DEFB134: variants seen among roughly 807,000 people sequenced by gnomAD.
DEFB134 encodes the protein beta-defensin 134.
Under a neutral mutation model 7.4 loss-of-function variants are expected in DEFB134, and 7 were observed. That is an observed-to-expected ratio of 0.95 (90% CI 0.54 to 1.79). The LOEUF (loss-of-function observed/expected upper bound fraction) is 1.79, where lower values mean the gene tolerates loss of function less well. Ranked by LOEUF, DEFB134 falls within the 40% of genes most tolerant of loss-of-function variation. The pLI, the probability that DEFB134 is intolerant of heterozygous loss-of-function variation, is 0.00. For synonymous variants in DEFB134, 33 were observed against 25.0 expected (o/e 1.32, Z -0.96); for missense variants, 105 against 74.8 (o/e 1.40, Z -1.49).
chr8:11,993,225 G>C (rs958111795), exon 2 of DEFB134: 3 of 152,216 alleles, frequency 2.0e-5, no homozygotes, highest in Admixed American at 6.5e-5. Flanking sequence ...GATCAGCATG[G>C]TGTTAGCTCT....
At chr8:11,996,257 G>T in exon 1 of DEFB134, 1 of 1,613,582 alleles carries the variant, frequency 6.2e-7, no homozygotes, top group Non-Finnish European at 8.5e-7. Context: ...TTCATGGCTG[G>T]GAACTTCTGT....
At chr8:11,996,398 C>A (rs1467466362), upstream of DEFB134, 1 of 687,476 alleles carries the variant, frequency 1.5e-6, no homozygotes, top group East Asian at 3.0e-5. Flanking sequence ...ACACTGAACA[C>A]CCCTGAGGCA....
intron 1 of DEFB134, among the ~76,000 whole-genome samples, chr8:11,995,304 C>T (rs530293751): frequency 2.0e-4 from 30 of 152,234 alleles, no homozygotes; most frequent in African/African-American, 7.2e-4. Flanking sequence ...CTTTAAGAGG[C>T]CTTGATCCCA....
chr8:11,993,711 A>C (rs1260819882), exon 2 of DEFB134: 1 of 333,646 alleles, frequency 3.0e-6, no homozygotes, highest in Non-Finnish European at 5.4e-6. Flanking sequence ...TAGAGGGAGA[A>C]ACAGGTGCTG....
upstream of DEFB134, among the ~76,000 whole-genome samples, chr8:11,997,980 T>A (rs1398919961): frequency 6.6e-6 from 1 of 152,178 alleles, no homozygotes; most frequent in East Asian, 1.9e-4. Context: ...CATAAAGCAA[T>A]CCTTAACAAA....
intron 1 of DEFB134, among the ~76,000 whole-genome samples, chr8:11,995,532 T>G (rs1057108294): frequency 2.0e-5 from 3 of 152,178 alleles, no homozygotes; most frequent in Non-Finnish European, 4.4e-5. Flanking sequence ...ACACTCTCTG[T>G]CATGTCTCCC....
intron 1 of DEFB134, among the ~76,000 whole-genome samples, chr8:11,994,856 T>C (rs1211014015): frequency 2.6e-5 from 4 of 152,150 alleles, no homozygotes; most frequent in Non-Finnish European, 5.9e-5. Context: ...AAATACAAAA[T>C]ATCTCTGAGA....
At chr8:12,000,042 C>G (rs2150562013), upstream of DEFB134, among the ~76,000 whole-genome samples, 1 of 152,330 alleles carries the variant, frequency 6.6e-6, no homozygotes, top group Middle Eastern at 3.4e-3. Flanking sequence ...CTGCCATACT[C>G]TCAGCTGCAA....
intron 1 of DEFB134, among the ~76,000 whole-genome samples, chr8:11,995,353 A>C (rs1447321844): frequency 6.6e-6 from 1 of 152,192 alleles, no homozygotes; most frequent in African/African-American, 2.4e-5. Flanking sequence ...ACATAATCTG[A>C]AGATGTGATT....
At chr8:11,999,972 T>C (rs1039373938), upstream of DEFB134, among the ~76,000 whole-genome samples, 1 of 152,198 alleles carries the variant, frequency 6.6e-6, no homozygotes, top group Non-Finnish European at 1.5e-5. Context: ...CTGGGTTTGG[T>C]ATTTCTTTAG....
chr8:11,999,349 G>T, upstream of DEFB134: 1 of 219,708 alleles, frequency 4.6e-6, no homozygotes, highest in Non-Finnish European at 9.9e-6. Context: ...CATGCTCAGT[G>T]GGATACTGGC....
upstream of DEFB134, among the ~76,000 whole-genome samples, chr8:12,000,427 T>A (rs1800240240): frequency 6.6e-6 from 1 of 152,310 alleles, no homozygotes; most frequent in Non-Finnish European, 1.5e-5. Flanking sequence ...GATATTAGGT[T>A]TATACTTTAA....
upstream of DEFB134, among the ~76,000 whole-genome samples, chr8:11,999,634 G>C (rs1425382235): frequency 6.6e-6 from 1 of 152,116 alleles, no homozygotes; most frequent in African/African-American, 2.4e-5. Flanking sequence ...TTAAATATCA[G>C]AACAGGACAG....
upstream of DEFB134, chr8:11,999,417 A>G (rs991795873): frequency 5.9e-6 from 1 of 169,598 alleles, no homozygotes; most frequent in Non-Finnish European, 1.3e-5. Context: ...AAAGCAATAT[A>G]CTTTTATCTA....
upstream of DEFB134, among the ~76,000 whole-genome samples, chr8:11,997,257 T>C (rs1800150270): frequency 6.6e-6 from 1 of 152,266 alleles, no homozygotes; most frequent in Admixed American, 6.5e-5. Context: ...TAGTTGTTCA[T>C]TCCTTTTCAT....
chr8:11,994,798 A>T (rs1800073905), intron 1 of DEFB134, among the ~76,000 whole-genome samples: 1 of 152,194 alleles, frequency 6.6e-6, no homozygotes. Context: ...TTTGAGTATG[A>T]TATAGACCTT....
exon 2 of DEFB134, chr8:11,993,668 G>C: frequency 4.3e-6 from 1 of 234,346 alleles, no homozygotes. Context: ...TTCCCTTGAA[G>C]CCTTTCTAAA....
chr8:11,998,120 G>A (rs1800174198), upstream of DEFB134, among the ~76,000 whole-genome samples: 1 of 152,080 alleles, frequency 6.6e-6, no homozygotes, highest in African/African-American at 2.4e-5. Flanking sequence ...AAGACTTTTG[G>A]GTAAAGGATA....
chr8:12,000,066 G>T (rs1269233614), upstream of DEFB134, among the ~76,000 whole-genome samples: 1 of 152,188 alleles, frequency 6.6e-6, no homozygotes, highest in Non-Finnish European at 1.5e-5. Flanking sequence ...AAATGTCCCT[G>T]TCTGACCCTG....
Sources: gnomAD v4.1 joint callset for allele counts (sites outside exome capture counted in the v4.1 genomes callset) on GRCh38, gnomAD v4.1.1 for gene constraint, MANE v1.5 for transcripts, NCBI Gene and HGNC (gene_info 2026-07-23, HGNC 2026-07-21) for gene names.